NUMB: variants seen among roughly 807,000 people sequenced by gnomAD.
NUMB encodes the protein NUMB endocytic adaptor protein, also known as protein numb homolog.
A neutral mutation model predicts 59.7 loss-of-function variants in NUMB; 29 were observed. The ratio of observed to expected loss-of-function variants is 0.49; its 90% CI spans 0.36 to 0.66. NUMB has a LOEUF of 0.66. NUMB is among the 30% of genes least tolerant of loss of function. The pLI is 0.00. For synonymous variants in NUMB, 288 were observed against 288.2 expected (o/e 1.00, Z 0.01); for missense variants, 723 against 822.0 (o/e 0.88, Z 1.47).
intron 3 of NUMB, among the ~76,000 whole-genome samples, chr14:73,366,415 T>C (rs1894347014): frequency 6.6e-6 from 1 of 152,238 alleles, no homozygotes; most frequent in Non-Finnish European, 1.5e-5. Flanking sequence ...ATTATGATAA[T>C]TTTCTTTACT....
intron 6 of NUMB, 21 bp from the exon 7 acceptor site, chr14:73,297,306 G>C (rs772812081): frequency 1.4e-6 from 2 of 1,412,406 alleles, no homozygotes; most frequent in Admixed American, 3.4e-5. Flanking sequence ...AAACCAAAAA[G>C]GGGAGGGGGA....
chr14:73,453,545 C>G (rs754816012), intron 1 of NUMB, among the ~76,000 whole-genome samples: 8 of 151,868 alleles, frequency 5.3e-5, no homozygotes, highest in Admixed American at 1.3e-4. Context: ...TCCTAAAGCC[C>G]TGTATTGTAT....
intron 2 of NUMB, among the ~76,000 whole-genome samples, chr14:73,371,697 G>T (rs1306869731): frequency 3.3e-5 from 5 of 152,072 alleles, no homozygotes; most frequent in Non-Finnish European, 5.9e-5. Flanking sequence ...GAGTGATTAG[G>T]CCAGGAGGGC....
chr14:73,336,012 T>A (rs1318098397), intron 4 of NUMB, among the ~76,000 whole-genome samples: 2 of 152,224 alleles, frequency 1.3e-5, no homozygotes, highest in African/African-American at 4.8e-5. Flanking sequence ...TAAGCAGATG[T>A]GTTTAATCAT....
intron 1 of NUMB, among the ~76,000 whole-genome samples, chr14:73,450,146 G>A (rs2140206762): frequency 6.6e-6 from 1 of 152,294 alleles, no homozygotes; most frequent in Middle Eastern, 3.4e-3. Flanking sequence ...TTTGTTAAGT[G>A]CCCACTATGG....
chr14:73,414,717 G>T (rs191493664), intron 1 of NUMB, among the ~76,000 whole-genome samples: 57 of 152,090 alleles, frequency 3.7e-4, no homozygotes, highest in Non-Finnish European at 1.0e-4. Context: ...TCTGGGGGCG[G>T]GTGCGGGGGG....
intron 8 of NUMB, among the ~76,000 whole-genome samples, chr14:73,290,892 C>T (rs553045285): frequency 1.3e-5 from 2 of 152,158 alleles, no homozygotes; most frequent in South Asian, 2.1e-4. Flanking sequence ...TTCAGATTTT[C>T]GGATTTGAAA....
chr14:73,296,750 G>A (rs779993437), intron 7 of NUMB, among the ~76,000 whole-genome samples: 3 of 152,150 alleles, frequency 2.0e-5, no homozygotes, highest in Non-Finnish European at 4.4e-5. Flanking sequence ...CTTAGGCCAG[G>A]CGTGGTGGCT....
intron 1 of NUMB, among the ~76,000 whole-genome samples, chr14:73,413,012 G>A (rs1339510803): frequency 6.6e-6 from 1 of 152,062 alleles, no homozygotes; most frequent in African/African-American, 2.4e-5. Flanking sequence ...GTTTTTAAAA[G>A]AGTAGTAAAA....
intron 4 of NUMB, among the ~76,000 whole-genome samples, chr14:73,333,186 TTACA>T (rs1417331003): frequency 6.6e-6 from 1 of 152,178 alleles, no homozygotes; most frequent in African/African-American, 2.4e-5. Context: ...CTGAACCACT[TTACA>T]TTCCCACCAG....
intron 5 of NUMB, among the ~76,000 whole-genome samples, chr14:73,320,130 TCGG>T (rs902406970): frequency 1.4e-5 from 2 of 141,372 alleles, no homozygotes; most frequent in African/African-American, 2.5e-5. Context: ...AGACTCCGAC[TCGG>T]CGGGGGGGCA....
At chr14:73,290,487 AC>A (rs568909775) in intron 8 of NUMB, among the ~76,000 whole-genome samples, 122 of 152,328 alleles carry the variant, frequency 8.0e-4, no homozygotes, top group African/African-American at 2.7e-3. Flanking sequence ...CAGAACTGAA[AC>A]CCATATCTGA....
At position 73,355,640 on chromosome 14, in the gene NUMB, T is replaced by G; in HGVS notation, c.112A>C (p.Ser38Arg). The G allele has an allele frequency of 6.2e-7, 1 of 1,613,192 alleles. No homozygotes were observed. The highest frequency in any genetic ancestry group is 8.5e-7 in the Non-Finnish European group (1 of 1,179,654). Reference sequence around the variant, plus strand: ...TCAGCTCTTACCTTAACCGGGAAGCTACATTTTCCGGTGCGAACGCCTTCT... The same window carrying G: ...TCAGCTCTTACCTTAACCGGGAAGCGACATTTTCCGGTGCGAACGCCTTCT... ...DEEGVRTGKC[S>R]FPVKYLGHVE... Residue 38 changes from serine to arginine, a missense_variant, in exon 4 of 13, where the codon AGC (serine) becomes CGC (arginine). Transcript: ENST00000555238.
intron 1 of NUMB, among the ~76,000 whole-genome samples, chr14:73,449,452 G>A (rs61987086): frequency 0.038 from 5,814 of 151,920 alleles, 158 homozygotes; most frequent in Non-Finnish European, 0.061. Flanking sequence ...GTATTTATTC[G>A]TATTATTTGT....
At chr14:73,437,852 A>G (rs574672065) in intron 1 of NUMB, among the ~76,000 whole-genome samples, 1 of 152,294 alleles carries the variant, frequency 6.6e-6, no homozygotes, top group Admixed American at 6.5e-5. Context: ...TAGATTCCAC[A>G]TAAGGATCAG....
At chr14:73,295,599 A>G (rs1162746015) in intron 7 of NUMB, among the ~76,000 whole-genome samples, 1 of 152,222 alleles carries the variant, frequency 6.6e-6, no homozygotes, top group Non-Finnish European at 1.5e-5. Context: ...AAGGTCAAAT[A>G]ACTAAAATGC....
chr14:73,436,219 T>G (rs1898047930), intron 1 of NUMB, among the ~76,000 whole-genome samples: 1 of 152,246 alleles, frequency 6.6e-6, no homozygotes, highest in Admixed American at 6.5e-5. Context: ...TTAAACAGTC[T>G]CTAGTTGAAG....
intron 9 of NUMB, chr14:73,285,535 A>G (rs2139812468): frequency 6.6e-6 from 1 of 152,194 alleles, no homozygotes; most frequent in East Asian, 1.9e-4. Context: ...ACTATCAATA[A>G]TTTCATTTCA....
At chr14:73,395,620 G>T (rs1003009840) in intron 2 of NUMB, among the ~76,000 whole-genome samples, 6 of 152,002 alleles carry the variant, frequency 3.9e-5, no homozygotes, top group Non-Finnish European at 7.4e-5. Context: ...GACTCTGTCT[G>T]TAAAATAATA....
Sources: allele counts gnomAD v4.1 joint callset (sites outside exome capture counted in the v4.1 genomes callset), GRCh38; gene constraint gnomAD v4.1.1; transcripts MANE v1.5; gene names NCBI Gene and HGNC (gene_info 2026-07-23, HGNC 2026-07-21).